Variants in CCDC178 observed in about 807,000 individuals in gnomAD.
The protein encoded by CCDC178 is coiled-coil domain-containing protein 178.
CCDC178 carries 126 observed loss-of-function variants against 117.4 expected under a neutral mutation model. The observed-to-expected ratio is 1.07, with a 90% CI of 0.93 to 1.24. The LOEUF (loss-of-function observed/expected upper bound fraction) is 1.24. Among genes scored for constraint, CCDC178 ranks in the 50% most tolerant of loss-of-function variants. The probability of loss-of-function intolerance (pLI) is 0.00; values close to 1 mark genes in which losing one functional copy is unlikely to be tolerated. For missense variants in CCDC178, 1,030 were observed against 986.9 expected (o/e 1.04, Z -0.59); for synonymous variants, 283 against 313.4 (o/e 0.90, Z 1.02).
At chr18:33,136,134 C>G (rs1037281992) in intron 20 of CCDC178, 1 of 152,164 alleles carries the variant, frequency 6.6e-6, no homozygotes, top group Non-Finnish European at 1.5e-5. Context: ...GGGGAAATGA[C>G]TGTGTAGAGC....
chr18:33,051,428 A>G (rs1015682876), intron 21 of CCDC178, among the ~76,000 whole-genome samples: 1 of 152,240 alleles, frequency 6.6e-6, no homozygotes, highest in African/African-American at 2.4e-5. Flanking sequence ...AAAGACAGAA[A>G]AATAAAGCCA....
chr18:33,017,029 T>G (rs1218381826), intron 21 of CCDC178, among the ~76,000 whole-genome samples: 1 of 151,886 alleles, frequency 6.6e-6, no homozygotes, highest in African/African-American at 2.4e-5. Flanking sequence ...ATATATATTT[T>G]CCTCTATGGT....
intron 21 of CCDC178, among the ~76,000 whole-genome samples, chr18:32,986,025 G>A (rs1387027143): frequency 6.6e-6 from 1 of 151,934 alleles, no homozygotes; most frequent in East Asian, 1.9e-4. Flanking sequence ...CTAACATAGA[G>A]ATACAACATT....
rs538846497 is a variant in CCDC178 at position 33,091,141 on chromosome 18, T to C, written c.2388+1620A>G. On this transcript the variant is annotated intron_variant, in intron 21 of 22. Transcript: ENST00000383096. Reference sequence around the variant, plus strand: ...CAATGATTATTTTCTGCTTCTCAATTATGAACAACAAATAGAACATATTTA... The same window carrying C: ...CAATGATTATTTTCTGCTTCTCAATCATGAACAACAAATAGAACATATTTA... Among the ~76,000 whole-genome samples the C allele has an allele frequency of 3.3e-5, 5 of 152,212 alleles. No individual in the cohort carries two copies. The South Asian group carries it at 1.0e-3, about 32-fold the overall frequency.
chr18:33,045,769 A>T (rs1410003402), intron 21 of CCDC178, among the ~76,000 whole-genome samples: 1 of 152,186 alleles, frequency 6.6e-6, no homozygotes, highest in Non-Finnish European at 1.5e-5. Flanking sequence ...TCCAAATAAA[A>T]GTCTTACAAT....
At chr18:33,107,200 G>A (rs1341467665) in intron 20 of CCDC178, among the ~76,000 whole-genome samples, 2 of 151,534 alleles carry the variant, frequency 1.3e-5, no homozygotes, top group Admixed American at 1.3e-4. Flanking sequence ...AACTAATGTG[G>A]CAACCCAGGT....
chr18:33,061,852 T>G (rs2056927029), intron 21 of CCDC178, among the ~76,000 whole-genome samples: 1 of 152,168 alleles, frequency 6.6e-6, no homozygotes, highest in African/African-American at 2.4e-5. Flanking sequence ...TATGAAGACA[T>G]GCATTGGTTT....
At chr18:33,276,830 A>G (rs1002430159) in intron 12 of CCDC178, among the ~76,000 whole-genome samples, 2 of 152,150 alleles carry the variant, frequency 1.3e-5, no homozygotes, top group Non-Finnish European at 2.9e-5. Flanking sequence ...AATTTAATAT[A>G]CTGTATTATA....
chr18:33,077,963 C>T (rs1256209943), intron 21 of CCDC178, among the ~76,000 whole-genome samples: 1 of 152,104 alleles, frequency 6.6e-6, no homozygotes, highest in African/African-American at 2.4e-5. Context: ...GAAAACCTGG[C>T]AGACACACAA....
chr18:32,963,558 G>T (rs1458292898), intron 22 of CCDC178, among the ~76,000 whole-genome samples: 2 of 151,900 alleles, frequency 1.3e-5, no homozygotes, highest in East Asian at 3.9e-4. Flanking sequence ...AAAATTGTTA[G>T]TAATTTTCCC....
chr18:33,151,627 A>G (rs1441951898), intron 20 of CCDC178, among the ~76,000 whole-genome samples: 3 of 152,216 alleles, frequency 2.0e-5, no homozygotes, highest in Non-Finnish European at 2.9e-5. Flanking sequence ...AAAGTAAACC[A>G]AAAGTTTATA....
At chr18:33,154,978 A>G (rs1185411251) in intron 20 of CCDC178, among the ~76,000 whole-genome samples, 2 of 152,160 alleles carry the variant, frequency 1.3e-5, no homozygotes, top group Admixed American at 1.3e-4. Flanking sequence ...TACCAAAAAA[A>G]TCATGAAGTT....
At chr18:33,275,782 T>G (rs1469565874) in intron 12 of CCDC178, among the ~76,000 whole-genome samples, 2 of 151,636 alleles carry the variant, frequency 1.3e-5, no homozygotes, top group African/African-American at 4.8e-5. Context: ...CTGCCAGCTT[T>G]GCAAATTCAT....
chr18:33,190,211 A>G (rs2058841232), intron 20 of CCDC178, among the ~76,000 whole-genome samples: 1 of 152,174 alleles, frequency 6.6e-6, no homozygotes, highest in African/African-American at 2.4e-5. Flanking sequence ...GTGATTTGGA[A>G]GACTAATTAG....
chr18:33,194,365 T>C (rs2058899483), intron 20 of CCDC178, among the ~76,000 whole-genome samples: 1 of 152,148 alleles, frequency 6.6e-6, no homozygotes, highest in African/African-American at 2.4e-5. Flanking sequence ...GCTATTCAAC[T>C]AGAGAGCTCA....
At chr18:33,127,940 G>T (rs1018248614) in intron 20 of CCDC178, among the ~76,000 whole-genome samples, 2 of 152,186 alleles carry the variant, frequency 1.3e-5, no homozygotes, top group Non-Finnish European at 2.9e-5. Context: ...CTGAGGCAAA[G>T]CAGAGGAGGA....
intron 21 of CCDC178, among the ~76,000 whole-genome samples, chr18:33,087,014 A>ACACACC (rs1491460401): frequency 7.1e-6 from 1 of 141,804 alleles, no homozygotes; most frequent in African/African-American, 2.6e-5. Context: ...ACACACACAC[A>ACACACC]ACAAAATAGC....
chr18:33,074,157 T>C (rs1335777446), intron 21 of CCDC178, among the ~76,000 whole-genome samples: 1 of 151,896 alleles, frequency 6.6e-6, no homozygotes, highest in Admixed American at 6.6e-5. Context: ...AGTTACTGGG[T>C]GATTTTAAAT....
chr18:33,360,658 T>C (rs563741219), intron 6 of CCDC178, among the ~76,000 whole-genome samples: 40 of 151,754 alleles, frequency 2.6e-4, no homozygotes, highest in African/African-American at 9.6e-4. Flanking sequence ...AATTCAGCAG[T>C]TGCAAGATAC....
Sources: gnomAD v4.1 joint callset for allele counts (sites outside exome capture counted in the v4.1 genomes callset) on GRCh38, gnomAD v4.1.1 for gene constraint, MANE v1.5 for transcripts, NCBI Gene and HGNC (gene_info 2026-07-23, HGNC 2026-07-21) for gene names.